GLMN: variants seen among roughly 807,000 people sequenced by gnomAD.
GLMN encodes the protein glomulin, FKBP associated protein.
Under a neutral mutation model 87.8 loss-of-function variants are expected in GLMN, and 75 were observed. That is an observed-to-expected ratio of 0.85 (90% CI 0.71 to 1.04). The LOEUF is 1.04. Among genes scored for constraint, GLMN ranks in the 50% least tolerant of loss-of-function variants. The pLI is 0.00. For missense variants in GLMN, 588 were observed against 658.8 expected (o/e 0.89, Z 1.18); for synonymous variants, 206 against 221.6 (o/e 0.93, Z 0.63).
the GLMN span, chr1:92,323,608 G>C: frequency 6.2e-7 from 1 of 1,613,908 alleles, no homozygotes; most frequent in Non-Finnish European, 8.5e-7. Flanking sequence ...CATTCTACCA[G>C]GAAACAGACC....
chr1:92,323,593 T>C, the GLMN span: 2 of 1,614,062 alleles, frequency 1.2e-6, no homozygotes, highest in Non-Finnish European at 8.5e-7. Context: ...AGACTTTGTT[T>C]CCTCCATTCT....
At chr1:92,300,365 G>T, upstream of GLMN, 6 of 700,082 alleles carry the variant, frequency 8.6e-6, no homozygotes, top group Non-Finnish European at 9.6e-6. Context: ...GGAAGGGAAA[G>T]ATCTGGGAAG....
At chr1:92,259,858 C>T (rs957831990) in intron 16 of GLMN, among the ~76,000 whole-genome samples, 2 of 151,360 alleles carry the variant, frequency 1.3e-5, no homozygotes, top group Admixed American at 6.6e-5. Context: ...CTCAGCCTCC[C>T]GAGTAGCTGG....
chr1:92,283,956 C>G (rs1415650326), intron 7 of GLMN, among the ~76,000 whole-genome samples: 10 of 152,012 alleles, frequency 6.6e-5, no homozygotes, highest in Admixed American at 6.6e-4. Context: ...AACCACTGTT[C>G]AACAAAATAA....
chr1:92,328,961 C>G, the GLMN span, among the ~76,000 whole-genome samples: 2 of 152,168 alleles, frequency 1.3e-5, no homozygotes, highest in African/African-American at 4.8e-5. Context: ...CTGGCGGGTA[C>G]TAGGGAGTGT....
chr1:92,259,844 C>T (rs1325953187), intron 16 of GLMN, among the ~76,000 whole-genome samples: 1 of 150,984 alleles, frequency 6.6e-6, no homozygotes, highest in East Asian at 2.0e-4. Context: ...CGCCATTCTC[C>T]TGCCTCAGCC....
chr1:92,357,065 CAAA>C, the GLMN span, among the ~76,000 whole-genome samples: 3 of 117,014 alleles, frequency 2.6e-5, no homozygotes, highest in Admixed American at 1.8e-4. Context: ...GACTCTGTCT[CAAA>C]AAAAAAAAAG....
the GLMN span, among the ~76,000 whole-genome samples, chr1:92,349,146 A>G: frequency 3.3e-5 from 5 of 152,220 alleles, no homozygotes; most frequent in East Asian, 3.8e-4. Context: ...CAAATTTCCA[A>G]TGGAATTTTT....
the GLMN span, among the ~76,000 whole-genome samples, chr1:92,310,929 T>G: frequency 6.6e-6 from 1 of 152,208 alleles, no homozygotes; most frequent in African/African-American, 2.4e-5. Context: ...ATTAGATATC[T>G]TATTGAAATG....
intron 7 of GLMN, among the ~76,000 whole-genome samples, chr1:92,276,915 C>A (rs1026760816): frequency 6.6e-6 from 1 of 152,134 alleles, no homozygotes; most frequent in Non-Finnish European, 1.5e-5. Context: ...TAGTACTTTT[C>A]TGAATGTTTG....
rs188063825 is a variant in GLMN at position 92,262,326 on chromosome 1, T to C, written c.1473+537A>G. Reference sequence around the variant, plus strand: ...ATATAATTTTACTGTATGACAAATCTCCCTCAAATAGTTTTCTATTTATTG... The same window carrying C: ...ATATAATTTTACTGTATGACAAATCCCCCTCAAATAGTTTTCTATTTATTG... On this transcript the variant is annotated intron_variant, in intron 16 of 18. Transcript: ENST00000370360. Among the ~76,000 whole-genome samples the C allele has an allele frequency of 3.3e-5, 5 of 152,312 alleles. 1 individual carries two copies. Among genetic ancestry groups the C allele is most frequent in the Admixed American group, 2.6e-4 (4 of 15,290 alleles).
the GLMN span, among the ~76,000 whole-genome samples, chr1:92,327,774 G>T: frequency 1.9e-3 from 284 of 151,974 alleles, 1 homozygote; most frequent in African/African-American, 6.4e-3. Context: ...GCTTTAAAGA[G>T]ATTCTATTTT....
the GLMN span, among the ~76,000 whole-genome samples, chr1:92,310,883 C>T: frequency 2.0e-5 from 3 of 152,010 alleles, no homozygotes; most frequent in South Asian, 2.1e-4. Context: ...GGCAACAGAA[C>T]GAGACTAAGA....
At chr1:92,356,586 T>TTG in the GLMN span, among the ~76,000 whole-genome samples, 59,680 of 104,598 alleles carry the variant, frequency 0.57, 15,094 homozygotes, top group East Asian at 0.93. Context: ...TCCTGGCTAA[T>TTG]TTTTTTTTTT....
intron 7 of GLMN, among the ~76,000 whole-genome samples, chr1:92,286,256 A>T (rs1648736292): frequency 2.0e-5 from 3 of 150,054 alleles, no homozygotes; most frequent in African/African-American, 4.9e-5. Context: ...TCTTTGAAAA[A>T]TTTATATATA....
chr1:92,293,524 A>G (rs1180692527), intron 3 of GLMN, among the ~76,000 whole-genome samples: 3 of 152,118 alleles, frequency 2.0e-5, no homozygotes, highest in African/African-American at 7.2e-5. Flanking sequence ...AAATTACTAC[A>G]ACCATTAATG....
At chr1:92,363,779 A>T in the GLMN span, 1 of 294,212 alleles carries the variant, frequency 3.4e-6, no homozygotes, top group South Asian at 3.4e-5. Context: ...TAGTAAATAT[A>T]TTTTCTCTTC....
intron 17 of GLMN, 109 bp downstream of exon 17, chr1:92,247,769 T>C (rs907061293): frequency 1.6e-5 from 11 of 670,720 alleles, no homozygotes; most frequent in Non-Finnish European, 3.0e-5. Flanking sequence ...TTAGCTGTTA[T>C]GGTCTCTAAA....
Position 92,297,414 on chromosome 1 carries a change from T to C in GLMN, c.155A>G (p.Glu52Gly), listed in dbSNP as rs748556061. The part of the protein sequence containing the change: ...TDQLLEIIQN[E>G]KNKVIIKNMG... ...CAAGATTGTACGCACCTTATTCTTT[T>C]CATTTTGAATAATTTCTAATAGCTG... The change falls in exon 3 of 19, where the codon GAA becomes GGA. Residue 52 changes from glutamate to glycine, a missense_variant. Glu to Gly is a moderately conservative substitution (Grantham distance 98). Coordinates refer to ENST00000370360, the MANE Select transcript of GLMN (RefSeq NM_053274.3). The C allele has an allele frequency of 2.4e-5, 38 of 1,611,490 alleles. No homozygotes were observed. In the Admixed American group the frequency reaches 4.7e-4, roughly 20 times the overall value.
Sources: allele counts gnomAD v4.1 joint callset (sites outside exome capture counted in the v4.1 genomes callset), GRCh38; gene constraint gnomAD v4.1.1; transcripts MANE v1.5; gene names NCBI Gene and HGNC (gene_info 2026-07-23, HGNC 2026-07-21).